The following MME variants were observed in gnomAD, a reference collection of about 807,000 sequenced individuals.
The protein encoded by MME is neprilysin.
In MME, 98 loss-of-function variants were observed where a neutral mutation model predicts 113.2. The observed-to-expected ratio is 0.87, with a 90% confidence interval of 0.74 to 1.02. The LOEUF (loss-of-function observed/expected upper bound fraction) is 1.02, where lower values mean the gene tolerates loss of function less well. Among genes scored for constraint, MME ranks in the 50% least tolerant of loss-of-function variants. MME has a pLI of 0.00. For missense variants in MME, 836 were observed against 896.0 expected, an observed-to-expected ratio of 0.93 and a Z score of 0.86; for synonymous variants, 292 against 300.6, an observed-to-expected ratio of 0.97 and a Z score of 0.30.
intron 3 of MME, among the ~76,000 whole-genome samples, chr3:155,113,204 G>T (rs1718330773): frequency 1.3e-5 from 2 of 152,284 alleles, no homozygotes; most frequent in East Asian, 1.9e-4. Flanking sequence ...AACAGAGTTT[G>T]CATAAACCAC....
intron 8 of MME, among the ~76,000 whole-genome samples, chr3:155,122,241 T>C (rs1719212821): frequency 6.6e-6 from 1 of 152,082 alleles, no homozygotes; most frequent in South Asian, 2.1e-4. Context: ...GTAGTTTGTA[T>C]TTCTGTAGGA....
At chr3:155,024,721 T>C (rs1277200199) in intron 1 of MME, among the ~76,000 whole-genome samples, 6 of 152,220 alleles carry the variant, frequency 3.9e-5, no homozygotes, top group Admixed American at 2.0e-4. Context: ...TGAACAATTT[T>C]AGAAATAAGA....
intron 1 of MME, among the ~76,000 whole-genome samples, chr3:155,063,633 T>G (rs917593955): frequency 1.6e-5 from 2 of 123,460 alleles, no homozygotes; most frequent in Non-Finnish European, 3.2e-5. Flanking sequence ...TATATTATAT[T>G]TGATTATATA....
At chr3:155,144,649 C>T (rs2108317624) in intron 14 of MME, among the ~76,000 whole-genome samples, 192 bp downstream of exon 14, 1 of 152,254 alleles carries the variant, frequency 6.6e-6, no homozygotes, top group Non-Finnish European at 1.5e-5. Flanking sequence ...TTTATCTCTG[C>T]AACCAATACT....
intron 3 of MME, among the ~76,000 whole-genome samples, chr3:155,107,846 G>A (rs1159167876): frequency 1.3e-5 from 2 of 151,996 alleles, no homozygotes; most frequent in Non-Finnish European, 2.9e-5. Context: ...TTGCATTTTT[G>A]TGCTTTTTAA....
At chr3:155,118,144 AAGG>A (rs1718782395) in intron 7 of MME, among the ~76,000 whole-genome samples, 1 of 152,184 alleles carries the variant, frequency 6.6e-6, no homozygotes, top group African/African-American at 2.4e-5. Flanking sequence ...GAGGAGAACC[AAGG>A]AGAAGTCGCC....
At chr3:155,051,180 C>A (rs1290484793) in intron 1 of MME, among the ~76,000 whole-genome samples, 2 of 152,198 alleles carry the variant, frequency 1.3e-5, no homozygotes, top group East Asian at 3.9e-4. Flanking sequence ...GAACAAACAT[C>A]CTGAACAATA....
chr3:155,066,797 C>T (rs544948426), intron 1 of MME, among the ~76,000 whole-genome samples: 1 of 152,180 alleles, frequency 6.6e-6, no homozygotes, highest in Non-Finnish European at 1.5e-5. Flanking sequence ...AAGGACTGCT[C>T]TCTGTTGAGA....
intron 1 of MME, among the ~76,000 whole-genome samples, chr3:155,039,394 T>C (rs1332777867): frequency 6.6e-6 from 1 of 152,032 alleles, no homozygotes; most frequent in African/African-American, 2.4e-5. Context: ...AGGTCAGGGG[T>C]ATATTGTAGA....
At position 155,115,091 on chromosome 3, in the gene MME, C is replaced by T. The variant is rs200713056; in HGVS notation, c.294C>T (p.Pro98=). ...CGGWLKRNVI[P]ETSSRYGNFD... is the part of the protein sequence containing the mutation. ...GCTGGTTGAAACGTAATGTCATTCC[C>T]GAGACCAGCTCCCGTTACGGCAACT... The change falls in exon 4 of 23, where the codon CCC becomes CCT. Residue 98 remains proline, a synonymous_variant. Transcript: ENST00000360490. 3.6e-5 allele frequency: 58 copies of T among 1,614,032 alleles called. No homozygotes were observed. The highest frequency in any genetic ancestry group is 1.7e-4 in the Middle Eastern group (1 of 6,060).
At chr3:155,159,810 A>T (rs1210960254) in intron 16 of MME, among the ~76,000 whole-genome samples, 2 of 152,060 alleles carry the variant, frequency 1.3e-5, no homozygotes, top group Non-Finnish European at 2.9e-5. Flanking sequence ...TTCATTTTAA[A>T]GTCATACAAA....
At chr3:155,072,464 TAC>T (rs1292061477) in intron 1 of MME, among the ~76,000 whole-genome samples, 2 of 152,258 alleles carry the variant, frequency 1.3e-5, no homozygotes, top group African/African-American at 4.8e-5. Context: ...TATAATATTC[TAC>T]ACAGAGTTTT....
rs191289268 is a variant in MME at position 155,166,885 on chromosome 3, A to G, written c.1661-17A>G. The G allele has an allele frequency of 2.2e-4, 348 of 1,613,346 alleles. No individual in the cohort carries two copies. The highest frequency in any genetic ancestry group is 1.5e-4 in the Non-Finnish European group (176 of 1,179,568). ...CTTATGCCACAAATAATCTCTAACT[A>G]TCTTCTCTCCTTGTAGTCTTCCCAG... is the stretch of plus-strand genomic sequence containing the variant. On this transcript the variant is annotated splice_polypyrimidine_tract_variant and intron_variant, in intron 17 of 22. Transcript: ENST00000360490.
upstream of MME, among the ~76,000 whole-genome samples, chr3:155,076,168 A>G (rs1288934758): frequency 2.6e-5 from 4 of 152,216 alleles, no homozygotes; most frequent in Non-Finnish European, 4.4e-5. Flanking sequence ...TATAAATTCT[A>G]TTCCTACATC....
chr3:155,089,859 C>T (rs1716124024), intron 3 of MME: 1 of 452,644 alleles, frequency 2.2e-6, no homozygotes, highest in Non-Finnish European at 4.5e-6. Flanking sequence ...CCTATAATCC[C>T]AGAGGGAGGA....
intron 3 of MME, 77 bp downstream of exon 3, chr3:155,085,171 C>A: frequency 1.1e-6 from 1 of 939,426 alleles, no homozygotes; most frequent in Non-Finnish European, 1.7e-6. Flanking sequence ...TCTTAATTTG[C>A]TTTGTTTACA....
chr3:155,129,699 G>A (rs1388975214), intron 8 of MME, among the ~76,000 whole-genome samples: 1 of 152,128 alleles, frequency 6.6e-6, no homozygotes, highest in Non-Finnish European at 1.5e-5. Flanking sequence ...GAGTTCTGAG[G>A]TATTCTGATT....
At chr3:155,076,933 C>A (rs147714511), upstream of MME, among the ~76,000 whole-genome samples, 756 of 152,266 alleles carry the variant, frequency 5.0e-3, 5 homozygotes, top group East Asian at 0.017. Context: ...ACTTTCATGG[C>A]CATCTTGGTT....
intron 1 of MME, among the ~76,000 whole-genome samples, chr3:155,043,051 T>A (rs1252953313): frequency 6.7e-6 from 1 of 148,398 alleles, no homozygotes; most frequent in Non-Finnish European, 1.5e-5. Flanking sequence ...TTTTGTTTTT[T>A]ACAAAATTAT....
Sources: allele counts gnomAD v4.1 joint callset (sites outside exome capture counted in the v4.1 genomes callset), GRCh38; gene constraint gnomAD v4.1.1; transcripts MANE v1.5; gene names NCBI Gene and HGNC (gene_info 2026-07-23, HGNC 2026-07-21).